HTATSF1: variants seen among roughly 807,000 people sequenced by gnomAD.
HTATSF1 encodes the protein 17S U2 SnRNP complex component HTATSF1.
Under a neutral mutation model 46.1 loss-of-function variants are expected in HTATSF1, and 6 were observed. That is an observed-to-expected ratio of 0.13 (90% CI 0.07 to 0.26). The LOEUF is 0.26. Among genes scored for constraint, HTATSF1 ranks in the 10% least tolerant of loss-of-function variants. The pLI is 1.00. For synonymous variants in HTATSF1, 226 were observed against 211.5 expected, an observed-to-expected ratio of 1.07 and a Z score of -0.60; for missense variants, 452 against 559.9, an observed-to-expected ratio of 0.81 and a Z score of 1.94.
upstream of HTATSF1, chrX:136,497,366 G>GCGGCAGCGCGCCTGCGCGCTC (rs2075695424): frequency 8.7e-6 from 1 of 114,925 alleles, no homozygotes; most frequent in African/African-American, 3.2e-5. Context: ...GGTGGCGGCG[G>GCGGCAGCGCGCCTGCGCGCTC]CGGCAGCGCG....
intron 6 of HTATSF1, among the ~76,000 whole-genome samples, chrX:136,506,590 G>A (rs1021216229): frequency 1.8e-5 from 2 of 112,576 alleles, no homozygotes; most frequent in Non-Finnish European, 3.7e-5. Flanking sequence ...TCAGCCAGTG[G>A]ATAAAACATT....
intron 2 of HTATSF1, among the ~76,000 whole-genome samples, 168 bp from the exon 3 acceptor site, chrX:136,499,990 C>G (rs2075710639): frequency 9.0e-6 from 1 of 111,420 alleles, no homozygotes. Flanking sequence ...AGATTTAAAT[C>G]TTTTGAAAGC....
At chrX:136,497,577 C>A (rs959153341), upstream of HTATSF1, 1 of 631,529 alleles carries the variant, frequency 1.6e-6, no homozygotes, top group Non-Finnish European at 2.3e-6. Flanking sequence ...GGCCGGGGGG[C>A]GGCGGGGCGC....
rs1413902532 is a variant in HTATSF1, at chrX:136,511,686, TGAA to T, written c.1945_1947del (p.Glu649del). On this transcript the variant is annotated inframe_deletion, in exon 9 of 9. Coordinates refer to ENST00000218364, the MANE Select transcript of HTATSF1 (RefSeq NM_014500.5). The stretch of plus-strand genomic sequence containing the variant: ...ATGATGAGTCTGATGAGAAAGAGGA[TGAA>T]GAATATGCAGATGAAAAGGGGCTTG... 3 of 1,210,187 alleles carry T rather than the reference TGAA, an allele frequency of 2.5e-6. No homozygotes were observed. The highest frequency in any genetic ancestry group is 2.2e-5 in the Admixed American group (1 of 45,927).
At position 136,497,605 on chromosome X, in the gene HTATSF1, C is replaced by T. The variant is rs945271804; in HGVS notation, c.-80C>T. On this transcript the variant is annotated 5_prime_UTR_variant, in exon 1 of 9. Coordinates refer to ENST00000218364, the MANE Select transcript of HTATSF1 (RefSeq NM_014500.5). ...CGGGGCGCGAGCAGAGCGCGGTTGA[C>T]CTCCCTTTCTCTGCTCAGCTCCAGC... 3 of 874,554 alleles carry T rather than the reference C, an allele frequency of 3.4e-6. No individual in the cohort carries two copies. Among genetic ancestry groups the T allele is most frequent in the Non-Finnish European group, 4.6e-6 (3 of 646,872 alleles). 72.1% of individuals were successfully genotyped at this position (874,554 alleles called of 1,213,427 possible).
Position 136,512,047 on chromosome X carries a change from A to C in HTATSF1, c.*34A>C, listed in dbSNP as rs761086563. Reference sequence around the variant, plus strand: ...ACTTGCTTTTTAGGGAGAGTCCTCCATCTACATTTGCCTGTGCTTCAGGGT... The same window carrying C: ...ACTTGCTTTTTAGGGAGAGTCCTCCCTCTACATTTGCCTGTGCTTCAGGGT... On this transcript the variant is annotated 3_prime_UTR_variant, in exon 9 of 9. Coordinates refer to ENST00000218364, the MANE Select transcript of HTATSF1 (RefSeq NM_014500.5). 50 of 1,160,787 alleles carry C rather than the reference A, an allele frequency of 4.3e-5. No individual in the cohort carries two copies. The highest frequency in any genetic ancestry group is 1.5e-4 in the Admixed American group (6 of 39,581).
At chrX:136,510,371 T>C (rs893750531) in intron 8 of HTATSF1, 152 bp downstream of exon 8, 1 of 349,262 alleles carries the variant, frequency 2.9e-6, no homozygotes, top group African/African-American at 2.7e-5. Flanking sequence ...TTTTTTACTC[T>C]TCCTCTTAAT....
chrX:136,510,258 C>T (rs1443693235), intron 8 of HTATSF1, 39 bp downstream of exon 8: 14 of 1,172,484 alleles, frequency 1.2e-5, no homozygotes, highest in African/African-American at 1.8e-5. Flanking sequence ...CACATTGTTT[C>T]ATTACCAACA....
rs60247401 is a variant in HTATSF1 at position 136,502,539 on chromosome X, A to G, written c.571-239A>G. The stretch of plus-strand genomic sequence containing the variant: ...CATACGACGATATTGGGGCTCAGGA[A>G]GCTTGAATAATTTACCCAAGTTCAC... On this transcript the variant is annotated intron_variant, in intron 4 of 8. Coordinates refer to ENST00000218364, the MANE Select transcript of HTATSF1 (RefSeq NM_014500.5). 9.5e-3 allele frequency among the ~76,000 whole-genome samples: 1,062 copies of G among 111,246 alleles called. 12 individuals are homozygous for G. The highest frequency in any genetic ancestry group is 0.033 in the African/African-American group (1,006 of 30,635).
Position 136,511,653 on chromosome X carries a change from A to T in HTATSF1, c.1908A>T (p.Lys636Asn), listed in dbSNP as rs745436712. Residue 636 changes from lysine (K) to asparagine (N), a missense_variant, in exon 9 of 9, where the codon AAA (lysine) becomes AAT (asparagine). Around this residue, in one of 3 missense-constraint regions of HTATSF1, gnomAD observed 246 missense variants for 245.3 expected, o/e 1.00. Transcript: ENST00000218364. ...AAGAAGAGGAGGATACATATGAAAAAGTATTTGATGATGAGTCTGATGAGA... is the reference window on the plus strand; with the variant it reads ...AAGAAGAGGAGGATACATATGAAAATGTATTTGATGATGAGTCTGATGAGA... The part of the protein sequence containing the change: ...EKEEEEDTYE[K>N]VFDDESDEKE... 3 of 1,211,222 alleles carry T rather than the reference A, an allele frequency of 2.5e-6. No homozygotes were observed. The highest frequency in any genetic ancestry group is 2.2e-5 in the Admixed American group (1 of 45,981).
In HTATSF1 at chrX:136,511,008, G is replaced by A. The variant is rs1058376; in HGVS notation, c.1263G>A (p.Ala421=). 35,682 of 1,209,262 alleles carry A rather than the reference G, an allele frequency of 0.03. 3,399 individuals are homozygous for A. In the African/African-American group the frequency reaches 0.39, roughly 13 times the overall value. The change falls in exon 9 of 9, where the codon GCG becomes GCA. Residue 421 remains alanine, a synonymous_variant. Transcript: ENST00000218364. The stretch of plus-strand genomic sequence containing the variant: ...CTCAAGAAACTGCAACTGGAATGGC[G>A]TTTGAAGAACCTATAGATGAGAAGA... ...MNAQETATGM[A]FEEPIDEKKF...
At chrX:136,497,467 G>A (rs2075696275), upstream of HTATSF1, 1 of 189,985 alleles carries the variant, frequency 5.3e-6, no homozygotes, top group South Asian at 2.6e-4. Context: ...CGAGCTCACA[G>A]CATCAGCGCG....
In HTATSF1 at chrX:136,502,888, AAAG is replaced by A. The variant is rs749697017; in HGVS notation, c.694_696del (p.Lys232del). ...AACTGAAGGGAGAATATGATGCCTC[AAAG>A]AAGAAGAAGAAGTGCAAAGACTATA... is the stretch of plus-strand genomic sequence containing the variant. On this transcript the variant is annotated inframe_deletion, in exon 5 of 9. Coordinates refer to ENST00000218364, the MANE Select transcript of HTATSF1 (RefSeq NM_014500.5). 283 of 1,156,823 alleles carry A rather than the reference AAAG, an allele frequency of 2.4e-4. No individual in the cohort carries two copies. The highest frequency in any genetic ancestry group is 7.2e-4 in the Admixed American group (30 of 41,741).
At chrX:136,503,030 G>T in intron 5 of HTATSF1, 89 bp downstream of exon 5, 2 of 547,691 alleles carry the variant, frequency 3.7e-6, no homozygotes, top group Non-Finnish European at 5.4e-6. Context: ...TGTCAAGTGT[G>T]CCTACACATT....
chrX:136,504,330 T>C (rs778515944), intron 5 of HTATSF1, 34 bp from the exon 6 acceptor site: 1 of 1,106,976 alleles, frequency 9.0e-7, no homozygotes. Flanking sequence ...TGAAGCAAAA[T>C]TTACAGTTTG....
At chrX:136,503,111 G>GGT (rs1223297952) in intron 5 of HTATSF1, among the ~76,000 whole-genome samples, 170 bp downstream of exon 5, 1 of 112,092 alleles carries the variant, frequency 8.9e-6, no homozygotes, top group Non-Finnish European at 1.9e-5. Context: ...ATTTAGCAGT[G>GGT]GTGGGGATTT....
At chrX:136,505,016 G>A (rs1452333310) in intron 6 of HTATSF1, among the ~76,000 whole-genome samples, 1 of 112,180 alleles carries the variant, frequency 8.9e-6, no homozygotes, top group Non-Finnish European at 1.9e-5. Context: ...TAAAGGAGAA[G>A]CAAAGAACAA....
chrX:136,502,950 T>G lies in HTATSF1; in HGVS notation c.734+9T>G, dbSNP rs2075725898. The G allele has an allele frequency of 9.3e-7, 1 of 1,079,260 alleles. No homozygotes were observed. The highest frequency in any genetic ancestry group is 1.2e-6 in the Non-Finnish European group (1 of 821,372). The allele number at this position is 1,079,260 out of a possible 1,213,427, so 88.9% of individuals were successfully genotyped here. A position where few individuals can be genotyped will look rare whatever the true frequency, so the allele number is the denominator to read the frequency against. ...CTGTCTATGCAACAAAAGTTTGTAATTTTTTTCCCTTTTGAAAGGTTCCAT... is the reference window on the plus strand; with the variant it reads ...CTGTCTATGCAACAAAAGTTTGTAAGTTTTTTCCCTTTTGAAAGGTTCCAT... On this transcript the variant is annotated intron_variant, in intron 5 of 8. Coordinates refer to ENST00000218364, the MANE Select transcript of HTATSF1 (RefSeq NM_014500.5).
Position 136,502,818 on chromosome X carries a change from A to G in HTATSF1, c.611A>G (p.Asp204Gly). 1 of 1,162,171 alleles carries G rather than the reference A, an allele frequency of 8.6e-7. No individual in the cohort carries two copies. Among genetic ancestry groups the G allele is most frequent in the Non-Finnish European group, 1.2e-6 (1 of 867,997 alleles). Reference protein sequence around the residue: ...VELALKLLDEDEIRGYKLHVE... With the variant: ...VELALKLLDEGEIRGYKLHVE... ...CTTGCATTAAAACTTTTGGATGAAG[A>G]TGAAATTAGAGGCTACAAATTACAT... The change falls in exon 5 of 9, where the codon GAT (aspartate) becomes GGT (glycine). Residue 204 changes from aspartate to glycine, a missense_variant. Around this residue, in one of 3 missense-constraint regions of HTATSF1, gnomAD observed 117 missense variants for 222.2 expected, o/e 0.53. Transcript: ENST00000218364.
Sources: gnomAD v4.1 joint callset for allele counts (sites outside exome capture counted in the v4.1 genomes callset) on GRCh38, gnomAD v4.1.1 for gene constraint, gnomAD v4.1.1 regional missense constraint, MANE v1.5 for transcripts, NCBI Gene and HGNC (gene_info 2026-07-23, HGNC 2026-07-21) for gene names.